KLHL15: variants seen among roughly 807,000 people sequenced by gnomAD.
KLHL15 encodes kelch-like protein 15.
In KLHL15, 1 loss-of-function variant was observed where a neutral mutation model predicts 29.3. The observed-to-expected ratio is 0.03, with a 90% CI of 0.01 to 0.16. KLHL15 has a LOEUF of 0.16. Among genes scored for constraint, KLHL15 ranks in the 10% least tolerant of loss-of-function variants. The pLI, the probability that KLHL15 is intolerant of heterozygous loss-of-function variation, is 1.00. For missense variants in KLHL15, 215 were observed against 478.5 expected, an observed-to-expected ratio of 0.45 and a Z score of 5.14; for synonymous variants, 212 against 184.5, an observed-to-expected ratio of 1.15 and a Z score of -1.21.
chrX:24,013,140 C>T (rs1388457457), intron 2 of KLHL15, among the ~76,000 whole-genome samples: 1 of 111,602 alleles, frequency 9.0e-6, no homozygotes, highest in Non-Finnish European at 1.9e-5. Flanking sequence ...CTATGTTCCC[C>T]AGGCTGGAGT....
chrX:23,997,517 G>A (rs1200272060), intron 3 of KLHL15, among the ~76,000 whole-genome samples: 1 of 109,097 alleles, frequency 9.2e-6, no homozygotes, highest in Non-Finnish European at 1.9e-5. Flanking sequence ...GAACACCTGA[G>A]CTCAGGAGTT....
chrX:24,004,722 A>AGAGTTTGCAGCG (rs1424178570), intron 3 of KLHL15, among the ~76,000 whole-genome samples: 1 of 108,324 alleles, frequency 9.2e-6, no homozygotes, highest in Non-Finnish European at 1.9e-5. Context: ...CCTGGGAGGC[A>AGAGTTTGCAGCG]GAGTTTGCAG....
chrX:24,003,061 C>A (rs377575054), intron 3 of KLHL15, among the ~76,000 whole-genome samples: 29 of 112,257 alleles, frequency 2.6e-4, no homozygotes, highest in East Asian at 2.5e-3. Context: ...TCAGAATGAC[C>A]CAAGCTAGGC....
chrX:23,989,519 C>G (rs746238358), intron 3 of KLHL15, among the ~76,000 whole-genome samples: 12 of 111,321 alleles, frequency 1.1e-4, no homozygotes, highest in South Asian at 3.7e-4. Flanking sequence ...CATTCCCAAG[C>G]TTTTAAGAGT....
At chrX:24,018,424 T>C (rs1314368809) in intron 2 of KLHL15, among the ~76,000 whole-genome samples, 3 of 110,078 alleles carry the variant, frequency 2.7e-5, no homozygotes, top group African/African-American at 9.9e-5. Context: ...GCCTTCAGAA[T>C]TTCAAATAGT....
intron 3 of KLHL15, among the ~76,000 whole-genome samples, chrX:24,003,317 A>G (rs79218112): frequency 0.23 from 25,407 of 108,704 alleles, 4,000 homozygotes; most frequent in African/African-American, 0.56. Context: ...AGGCCGAGGC[A>G]GGCGGATCAC....
At chrX:24,011,464 T>C (rs1275071309) in intron 2 of KLHL15, among the ~76,000 whole-genome samples, 2 of 109,898 alleles carry the variant, frequency 1.8e-5, no homozygotes, top group African/African-American at 3.3e-5. Context: ...GCCAACATGG[T>C]GAAACCCCAT....
rs1569263239 is a variant in KLHL15, at chrX:23,983,735, ATATTT to A, written c.*4181_*4185del. 1 of 112,484 alleles carries A rather than the reference ATATTT, an allele frequency of 8.9e-6. No individual in the cohort carries two copies. Among genetic ancestry groups the A allele is most frequent in the Non-Finnish European group, 1.9e-5 (1 of 53,353 alleles). The allele number at this position is 112,484 out of a possible 1,213,427, so 9.3% of individuals were successfully genotyped here. A position where few individuals can be genotyped will look rare whatever the true frequency, so the allele number is the denominator to read the frequency against. On this transcript the variant is annotated 3_prime_UTR_variant, in exon 4 of 4. Coordinates refer to ENST00000328046, the MANE Select transcript of KLHL15 (RefSeq NM_030624.3). Reference sequence around the variant, plus strand: ...AAGAAGTATATTTTAAAGATTAAAAATATTTTATTTAAACTTTTCTTCATAAACAC... The same window carrying A: ...AAGAAGTATATTTTAAAGATTAAAAATATTTAAACTTTTCTTCATAAACAC...
At chrX:24,024,668 T>C (rs944370067) in intron 2 of KLHL15, among the ~76,000 whole-genome samples, 189 bp downstream of exon 2, 2 of 113,203 alleles carry the variant, frequency 1.8e-5, no homozygotes, top group African/African-American at 6.4e-5. Flanking sequence ...CCTTTTTCTT[T>C]CTCGCTCTCT....
At position 24,024,867 on chromosome X, in the gene KLHL15, C is replaced by G; in HGVS notation, c.-18G>C. ...GGGGCGGCTACGTACCTCGGGGGGTCCTGTCCAGCCTCTAGTGGACGGCAG... is the reference window on the plus strand; with the variant it reads ...GGGGCGGCTACGTACCTCGGGGGGTGCTGTCCAGCCTCTAGTGGACGGCAG... On this transcript the variant is annotated 5_prime_UTR_variant, in exon 2 of 4. Transcript: ENST00000328046. 1 of 296,200 alleles carries G rather than the reference C, an allele frequency of 3.4e-6. No individual in the cohort carries two copies. The highest frequency in any genetic ancestry group is 2.7e-5 in the African/African-American group (1 of 36,793). The allele number at this position is 296,200 out of a possible 1,213,427, so 24.4% of individuals were successfully genotyped here. A position where few individuals can be genotyped will look rare whatever the true frequency, so the allele number is the denominator to read the frequency against.
At chrX:23,999,029 C>G (rs1339817578) in intron 3 of KLHL15, among the ~76,000 whole-genome samples, 2 of 110,973 alleles carry the variant, frequency 1.8e-5, no homozygotes, top group Non-Finnish European at 3.8e-5. Flanking sequence ...GCCTCAGCCT[C>G]CCGTGTAGCT....
intron 2 of KLHL15, among the ~76,000 whole-genome samples, chrX:24,015,944 A>G (rs1177637153): frequency 9.0e-6 from 1 of 110,727 alleles, no homozygotes; most frequent in Non-Finnish European, 1.9e-5. Flanking sequence ...GGTTGCAGTA[A>G]GCCGAGATCG....
chrX:24,021,522 T>G (rs1414326553), intron 2 of KLHL15, among the ~76,000 whole-genome samples: 1 of 112,525 alleles, frequency 8.9e-6, no homozygotes, highest in East Asian at 2.8e-4. Flanking sequence ...CTGCTTCAAT[T>G]TGTCGGTTTT....
rs767603451 is a variant in KLHL15, at chrX:24,009,562, G to A, written c.-7-2862C>T. ...TAGCCGCACATGGTAGCGGGCGCCT[G>A]TAGTCCTAGCTACTCCGGAGGCTGA... On this transcript the variant is annotated intron_variant, in intron 2 of 3. Transcript: ENST00000328046. Among the ~76,000 whole-genome samples the A allele has an allele frequency of 7.4e-5, 8 of 108,106 alleles. No homozygotes were observed. The East Asian group carries it at 2.3e-3, about 31-fold the overall frequency. The allele number at this position is 108,106 out of a possible 115,157, so 93.9% of individuals were successfully genotyped here.
Position 23,997,984 on chromosome X carries a change from C to T in KLHL15, c.705+8005G>A, listed in dbSNP as rs372645999. On this transcript the variant is annotated intron_variant, in intron 3 of 3. Coordinates refer to ENST00000328046, the MANE Select transcript of KLHL15 (RefSeq NM_030624.3). ...CCGAGGTAGAAAATAATGTTTGAGA[C>T]GGAGTCTCACTCTGTCACCCAGGCT... Among the ~76,000 whole-genome samples the T allele has an allele frequency of 6.4e-5, 7 of 110,023 alleles. No individual in the cohort carries two copies. In the South Asian group the frequency reaches 2.3e-3, roughly 36 times the overall value.
At chrX:24,016,421 T>C (rs548994104) in intron 2 of KLHL15, among the ~76,000 whole-genome samples, 14 of 103,744 alleles carry the variant, frequency 1.3e-4, no homozygotes, top group South Asian at 4.5e-4. Context: ...TCCCAGCATA[T>C]TGGGAGGCCG....
chrX:24,012,553 T>C (rs1223004887), intron 2 of KLHL15, among the ~76,000 whole-genome samples: 1 of 111,971 alleles, frequency 8.9e-6, no homozygotes, highest in South Asian at 3.7e-4. Flanking sequence ...TCTCCCTAAA[T>C]GAGCTCACCT....
chrX:24,021,223 T>C (rs1170939756), intron 2 of KLHL15, among the ~76,000 whole-genome samples: 1 of 111,476 alleles, frequency 9.0e-6, no homozygotes, highest in African/African-American at 3.3e-5. Flanking sequence ...AATAATCTTA[T>C]ATTACTATCT....
chrX:24,025,728 G>T (rs1929918935), intron 1 of KLHL15, among the ~76,000 whole-genome samples: 1 of 104,648 alleles, frequency 9.6e-6, no homozygotes, highest in South Asian at 4.0e-4. Context: ...CGGGGGGGAA[G>T]GGGGGGCGGG....
Sources: allele counts gnomAD v4.1 joint callset (sites outside exome capture counted in the v4.1 genomes callset), GRCh38; gene constraint gnomAD v4.1.1; transcripts MANE v1.5; gene names NCBI Gene and HGNC (gene_info 2026-07-23, HGNC 2026-07-21).